The following AFAP1 variants were observed in gnomAD, a reference collection of about 807,000 sequenced individuals.
The protein encoded by AFAP1 is actin filament-associated protein 1.
A neutral mutation model predicts 93.9 loss-of-function variants in AFAP1; 75 were observed. The ratio of observed to expected loss-of-function variants is 0.80; its 90% CI spans 0.66 to 0.97. The LOEUF (loss-of-function observed/expected upper bound fraction) is 0.97, where lower values mean the gene tolerates loss of function less well. Ranked by LOEUF, AFAP1 falls within the 50% of genes least tolerant of loss-of-function variation. The pLI, the probability that AFAP1 is intolerant of heterozygous loss-of-function variation, is 0.00. For missense variants in AFAP1, 1,201 were observed against 1,050.8 expected (o/e 1.14, Z -1.98); for synonymous variants, 517 against 430.7 (o/e 1.20, Z -2.48).
At chr4:7,807,027 GTC>G in intron 9 of AFAP1, among the ~76,000 whole-genome samples, 1 of 152,290 alleles carries the variant, frequency 6.6e-6, no homozygotes, top group African/African-American at 2.4e-5. Flanking sequence ...GTCAGAGGCT[GTC>G]TCTGTTCTCA....
intron 4 of AFAP1, 42 bp from the exon 5 acceptor site, chr4:7,843,392 C>A: frequency 6.5e-7 from 1 of 1,548,372 alleles, no homozygotes; most frequent in Non-Finnish European, 8.8e-7. Flanking sequence ...GACTTCTTTA[C>A]CTTGAAGTTT....
At chr4:7,920,902 G>C (rs1720405127) in intron 1 of AFAP1, among the ~76,000 whole-genome samples, 1 of 151,970 alleles carries the variant, frequency 6.6e-6, no homozygotes, top group Non-Finnish European at 1.5e-5. Context: ...TATAGGCTAG[G>C]AGAGGGACTA....
chr4:7,929,829 G>C (rs966903057), intron 1 of AFAP1, among the ~76,000 whole-genome samples: 2 of 152,204 alleles, frequency 1.3e-5, no homozygotes, highest in Non-Finnish European at 2.9e-5. Flanking sequence ...ACTCACAGCA[G>C]GAACAGCCCC....
In AFAP1 at chr4:7,902,884, C is replaced by A. The variant is rs371350764; in HGVS notation, c.-2-30804G>T. Among the ~76,000 whole-genome samples, 18 of 152,336 alleles carry A rather than the reference C, an allele frequency of 1.2e-4. No individual in the cohort carries two copies. In the South Asian group the frequency reaches 3.5e-3, roughly 30 times the overall value. On this transcript the variant is annotated intron_variant, in intron 1 of 17. Coordinates refer to ENST00000420658, the MANE Select transcript of AFAP1 (RefSeq NM_001134647.2). ...GATCTAAAGGCCCCTGATTCTAGGC[C>A]ACAACAGCTCTTCATACACACATAC...
intron 4 of AFAP1, among the ~76,000 whole-genome samples, chr4:7,850,280 T>A (rs1714285926): frequency 6.6e-6 from 1 of 152,176 alleles, no homozygotes; most frequent in African/African-American, 2.4e-5. Flanking sequence ...CAGGTGTAAC[T>A]ACCTGTGCAC....
intron 9 of AFAP1, 61 bp downstream of exon 9, chr4:7,809,553 G>T (rs995526279): frequency 1.0e-5 from 16 of 1,557,982 alleles, no homozygotes; most frequent in Non-Finnish European, 1.3e-5. Flanking sequence ...CGACACCACT[G>T]CAGGAGAAAA....
intron 3 of AFAP1, among the ~76,000 whole-genome samples, chr4:7,859,511 G>A (rs914042048): frequency 1.3e-5 from 2 of 152,168 alleles, no homozygotes; most frequent in African/African-American, 4.8e-5. Context: ...CTCAGAGAAT[G>A]ACTGATCTTC....
intron 3 of AFAP1, among the ~76,000 whole-genome samples, chr4:7,867,361 T>A (rs1190387318): frequency 6.6e-6 from 1 of 152,204 alleles, no homozygotes; most frequent in East Asian, 1.9e-4. Context: ...AGAGGTTACA[T>A]TAATCTCCCC....
At chr4:7,824,509 A>C (rs1242366383) in intron 6 of AFAP1, among the ~76,000 whole-genome samples, 2 of 152,200 alleles carry the variant, frequency 1.3e-5, no homozygotes, top group Non-Finnish European at 2.9e-5. Flanking sequence ...AGCAGAAACA[A>C]ATTTGGCAGT....
At chr4:7,778,933 G>T in intron 13 of AFAP1, 57 bp from the exon 14 acceptor site, 1 of 1,340,742 alleles carries the variant, frequency 7.5e-7, no homozygotes, top group Non-Finnish European at 1.0e-6. Context: ...AACAAATCTT[G>T]GTCTTTTTTT....
At chr4:7,929,928 C>T (rs1720970106) in intron 1 of AFAP1, among the ~76,000 whole-genome samples, 1 of 152,192 alleles carries the variant, frequency 6.6e-6, no homozygotes, top group South Asian at 2.1e-4. Flanking sequence ...GTGTCAGGAC[C>T]TAGACACACC....
chr4:7,829,485 T>C (rs1249644112), intron 6 of AFAP1, among the ~76,000 whole-genome samples: 2 of 152,236 alleles, frequency 1.3e-5, no homozygotes, highest in Admixed American at 6.5e-5. Flanking sequence ...AAACCTGGCT[T>C]TGCCTCAGTC....
intron 1 of AFAP1, among the ~76,000 whole-genome samples, chr4:7,921,001 C>CATAA (rs1030181742): frequency 2.7e-5 from 4 of 150,592 alleles, no homozygotes; most frequent in African/African-American, 7.3e-5. Context: ...CCTATATATC[C>CATAA]ATAAATAAAT....
chr4:7,838,909 A>G (rs1272973169), intron 5 of AFAP1, among the ~76,000 whole-genome samples: 4 of 152,138 alleles, frequency 2.6e-5, no homozygotes, highest in Non-Finnish European at 5.9e-5. Context: ...GAAAAAGTAC[A>G]TCCATTCACT....
chr4:7,878,688 C>T (rs959727761), intron 1 of AFAP1, among the ~76,000 whole-genome samples: 1 of 152,222 alleles, frequency 6.6e-6, no homozygotes, highest in Non-Finnish European at 1.5e-5. Flanking sequence ...AAGTGCTTTA[C>T]AGACATCTTA....
rs1271726537 is a variant in AFAP1 at position 7,762,346 on chromosome 4, G to A, written c.*1419C>T. 6.6e-6 allele frequency: 1 copy of A among 152,230 alleles called. No individual in the cohort carries two copies. The highest frequency in any genetic ancestry group is 1.5e-5 in the Non-Finnish European group (1 of 68,060). 9.4% of individuals were successfully genotyped at this position (152,230 alleles called of 1,614,324 possible). A position where few individuals can be genotyped will look rare whatever the true frequency, so the allele number is the denominator to read the frequency against. The stretch of plus-strand genomic sequence containing the variant: ...AGAAGGAAGGCTTACACCAAGTATG[G>A]CACCTCTGTATTCTATGCTTGGGGA... On this transcript the variant is annotated 3_prime_UTR_variant, in exon 18 of 18. Transcript: ENST00000420658.
At chr4:7,937,397 T>A (rs541607016) in intron 1 of AFAP1, among the ~76,000 whole-genome samples, 1 of 152,188 alleles carries the variant, frequency 6.6e-6, no homozygotes, top group Admixed American at 6.5e-5. Flanking sequence ...AGAAATTATG[T>A]AGTTTACGAT....
intron 1 of AFAP1, among the ~76,000 whole-genome samples, chr4:7,921,019 T>G (rs1193683520): frequency 6.6e-6 from 1 of 151,606 alleles, no homozygotes; most frequent in East Asian, 1.9e-4. Context: ...AATAAATAAA[T>G]ATGGGTTTTT....
At chr4:7,809,433 TATGA>T in intron 9 of AFAP1, 177 bp downstream of exon 9, 1 of 649,454 alleles carries the variant, frequency 1.5e-6, no homozygotes, top group East Asian at 3.2e-5. Flanking sequence ...CAAAGTCTTG[TATGA>T]ATAAGAGGCA....
Sources: gnomAD v4.1 joint callset for allele counts (sites outside exome capture counted in the v4.1 genomes callset) on GRCh38, gnomAD v4.1.1 for gene constraint, MANE v1.5 for transcripts, NCBI Gene and HGNC (gene_info 2026-07-23, HGNC 2026-07-21) for gene names.